Variants in DNAJC1 observed in about 807,000 individuals in gnomAD.
The protein encoded by DNAJC1 is DnaJ heat shock protein family (Hsp40) member C1.
A neutral mutation model predicts 76.6 loss-of-function variants in DNAJC1; 58 were observed. The observed-to-expected ratio is 0.76, with a 90% CI of 0.61 to 0.94. The LOEUF is 0.94. Among genes scored for constraint, DNAJC1 ranks in the 40% least tolerant of loss-of-function variants. The pLI, the probability that DNAJC1 is intolerant of heterozygous loss-of-function variation, is 0.00. For missense variants in DNAJC1, 689 were observed against 677.3 expected (o/e 1.02, Z -0.19); for synonymous variants, 258 against 267.9 (o/e 0.96, Z 0.36).
At chr10:21,979,813 G>A (rs1838123979) in intron 1 of DNAJC1, among the ~76,000 whole-genome samples, 1 of 151,292 alleles carries the variant, frequency 6.6e-6, no homozygotes, top group Admixed American at 6.6e-5. Flanking sequence ...CCTACCCACA[G>A]CAAACTTTGT....
At chr10:22,002,201 G>C (rs888092985) in intron 1 of DNAJC1, among the ~76,000 whole-genome samples, 2 of 152,172 alleles carry the variant, frequency 1.3e-5, no homozygotes, top group Admixed American at 6.5e-5. Context: ...AGTGTGCCTT[G>C]AATGGCAACT....
intron 6 of DNAJC1, among the ~76,000 whole-genome samples, chr10:21,910,863 A>AGAGGAGAGGG: frequency 7.0e-6 from 1 of 143,432 alleles, no homozygotes; most frequent in African/African-American, 2.6e-5. Context: ...AGAGGAGAGG[A>AGAGGAGAGGG]GAGGAGAGGA....
intron 7 of DNAJC1, among the ~76,000 whole-genome samples, chr10:21,900,983 C>T (rs1254620641): frequency 1.3e-5 from 2 of 152,160 alleles, no homozygotes; most frequent in Non-Finnish European, 2.9e-5. Context: ...AGGAAGGTGA[C>T]TAAATTTTCT....
At chr10:22,003,122 G>GCC (rs1245800383) in intron 1 of DNAJC1, 91 bp downstream of exon 1, 4 of 1,366,920 alleles carry the variant, frequency 2.9e-6, no homozygotes, top group Non-Finnish European at 3.8e-6. Flanking sequence ...ACCAAGCCCT[G>GCC]CCCTACGTGT....
chr10:21,966,737 G>T (rs1272377061), intron 1 of DNAJC1, among the ~76,000 whole-genome samples: 1 of 148,282 alleles, frequency 6.7e-6, no homozygotes, highest in African/African-American at 2.5e-5. Context: ...CCAGGCTGGA[G>T]TGCAATGGCG....
At chr10:21,778,670 G>A (rs987205701) in intron 9 of DNAJC1, among the ~76,000 whole-genome samples, 5 of 152,186 alleles carry the variant, frequency 3.3e-5, no homozygotes, top group African/African-American at 9.7e-5. Context: ...CAGTGTGAGC[G>A]ACGGAGAAGA....
chr10:21,892,898 C>T (rs554364534), intron 7 of DNAJC1, among the ~76,000 whole-genome samples: 41 of 152,116 alleles, frequency 2.7e-4, no homozygotes, highest in African/African-American at 8.2e-4. Context: ...CAAAAACTGA[C>T]GGAACTGGAG....
At chr10:22,000,434 C>T (rs1838500689) in intron 1 of DNAJC1, among the ~76,000 whole-genome samples, 1 of 152,210 alleles carries the variant, frequency 6.6e-6, no homozygotes, top group Admixed American at 6.5e-5. Context: ...TCTTCCCTTA[C>T]CACCTATGAC....
chr10:21,973,779 G>T (rs1838020013), intron 1 of DNAJC1, among the ~76,000 whole-genome samples: 1 of 151,912 alleles, frequency 6.6e-6, no homozygotes, highest in African/African-American at 2.4e-5. Context: ...TGTTAGAAAA[G>T]ATCTGGAGAT....
In DNAJC1 at chr10:21,805,972, G is replaced by C; in HGVS notation, c.1098+8C>G. On this transcript the variant is annotated splice_region_variant and intron_variant, in intron 9 of 11. Transcript: ENST00000376980. ...CTCTCTATACAATGCAAATCTCAGTGAACTCACATCTGTCACAGATCGACC... is the reference window on the plus strand; with the variant it reads ...CTCTCTATACAATGCAAATCTCAGTCAACTCACATCTGTCACAGATCGACC... The C allele has an allele frequency of 6.2e-7, 1 of 1,611,346 alleles. No individual in the cohort carries two copies.
intron 6 of DNAJC1, among the ~76,000 whole-genome samples, chr10:21,915,442 G>T (rs901756859): frequency 5.9e-5 from 9 of 152,182 alleles, no homozygotes; most frequent in Admixed American, 2.6e-4. Flanking sequence ...CAGTGTAAAG[G>T]TCACTTGCTG....
At chr10:21,929,014 T>C (rs939879598) in intron 2 of DNAJC1, 26 bp downstream of exon 2, 9 of 1,383,528 alleles carry the variant, frequency 6.5e-6, no homozygotes, top group African/African-American at 4.4e-5. Context: ...TCACAAAATA[T>C]ATATATAATA....
chr10:21,822,507 G>C (rs997111631), intron 8 of DNAJC1, among the ~76,000 whole-genome samples: 2 of 151,794 alleles, frequency 1.3e-5, no homozygotes. Flanking sequence ...AGACGATCTA[G>C]TCTTATGCTC....
intron 8 of DNAJC1, among the ~76,000 whole-genome samples, chr10:21,812,423 G>T (rs1834982747): frequency 1.3e-5 from 2 of 151,954 alleles, no homozygotes; most frequent in Admixed American, 6.6e-5. Flanking sequence ...TGAAGTACGT[G>T]TTCATGTCTT....
intron 3 of DNAJC1, among the ~76,000 whole-genome samples, chr10:21,923,523 C>T (rs1472792910): frequency 6.6e-6 from 1 of 151,798 alleles, no homozygotes; most frequent in Admixed American, 6.6e-5. Context: ...CTGTTCTCAA[C>T]TATTTATTAA....
intron 1 of DNAJC1, among the ~76,000 whole-genome samples, chr10:21,994,102 T>C (rs1034176675): frequency 3.3e-5 from 5 of 152,228 alleles, no homozygotes; most frequent in Admixed American, 3.3e-4. Context: ...TATTCAGATC[T>C]TTTTATCAAT....
intron 7 of DNAJC1, among the ~76,000 whole-genome samples, chr10:21,900,533 A>G (rs1836634998): frequency 6.6e-6 from 1 of 152,146 alleles, no homozygotes; most frequent in African/African-American, 2.4e-5. Flanking sequence ...TTTATATTTG[A>G]GTTGTATGAT....
chr10:21,995,990 C>T (rs1590085408), intron 1 of DNAJC1, among the ~76,000 whole-genome samples: 1 of 151,994 alleles, frequency 6.6e-6, no homozygotes. Context: ...TTATTTAAAA[C>T]ATGTAATCAT....
At position 21,919,826 on chromosome 10, in the gene DNAJC1, T is replaced by G; in HGVS notation, c.635+6A>C. The G allele has an allele frequency of 6.3e-7, 1 of 1,591,220 alleles. No individual in the cohort carries two copies. The highest frequency in any genetic ancestry group is 1.1e-5 in the South Asian group (1 of 88,208). On this transcript the variant is annotated splice_donor_region_variant and intron_variant, in intron 5 of 11. Transcript: ENST00000376980. ...CAAATTATAAAGTATTTTTATATGCTCTCACCTTTCATTTTTTTCTGAAGC... is the reference window on the plus strand; with the variant it reads ...CAAATTATAAAGTATTTTTATATGCGCTCACCTTTCATTTTTTTCTGAAGC...
Sources: gnomAD v4.1 joint callset for allele counts (sites outside exome capture counted in the v4.1 genomes callset) on GRCh38, gnomAD v4.1.1 for gene constraint, MANE v1.5 for transcripts, NCBI Gene and HGNC (gene_info 2026-07-23, HGNC 2026-07-21) for gene names.